DRICH1: variants seen among roughly 807,000 people sequenced by gnomAD.
DRICH1 encodes the protein aspartate rich 1.
A neutral mutation model predicts 39.5 loss-of-function variants in DRICH1; 38 were observed. The ratio of observed to expected loss-of-function variants is 0.96; its 90% CI spans 0.74 to 1.26. The LOEUF is 1.26. Ranked by LOEUF, DRICH1 falls within the 50% of genes most tolerant of loss-of-function variation. The pLI is 0.00. For synonymous variants in DRICH1, 84 were observed against 99.5 expected, an observed-to-expected ratio of 0.84 and a Z score of 0.93; for missense variants, 279 against 270.4, an observed-to-expected ratio of 1.03 and a Z score of -0.22.
the DRICH1 span, among the ~76,000 whole-genome samples, chr22:23,591,764 C>T: frequency 6.6e-6 from 1 of 152,242 alleles, no homozygotes; most frequent in Non-Finnish European, 1.5e-5. Context: ...ATACACCAGG[C>T]GTTAAGGCGA....
the DRICH1 span, among the ~76,000 whole-genome samples, chr22:23,582,832 A>G: frequency 6.6e-6 from 1 of 151,662 alleles, no homozygotes; most frequent in Non-Finnish European, 1.5e-5. Flanking sequence ...AAGAGCTGGG[A>G]TTACAGGCGT....
intron 5 of DRICH1, among the ~76,000 whole-genome samples, chr22:23,619,985 C>T (rs1339699907): frequency 6.6e-6 from 1 of 152,116 alleles, no homozygotes; most frequent in Non-Finnish European, 1.5e-5. Context: ...GTGTCCCACA[C>T]CAAAGACTCT....
At chr22:23,604,658 C>T (rs1378341275), downstream of DRICH1, among the ~76,000 whole-genome samples, 1 of 152,184 alleles carries the variant, frequency 6.6e-6, no homozygotes, top group African/African-American at 2.4e-5. Context: ...CGTGGAAGCC[C>T]TCACCACGGC....
chr22:23,624,669 AG>A (rs1031765226), intron 3 of DRICH1, among the ~76,000 whole-genome samples: 5 of 152,212 alleles, frequency 3.3e-5, no homozygotes, highest in African/African-American at 1.2e-4. Context: ...CTTCTACTCC[AG>A]GTGAAGACAC....
At chr22:23,599,565 G>A in the DRICH1 span, among the ~76,000 whole-genome samples, 1 of 152,194 alleles carries the variant, frequency 6.6e-6, no homozygotes, top group Non-Finnish European at 1.5e-5. Flanking sequence ...AGGTTCTAGG[G>A]TCTCTGAGAT....
At chr22:23,586,213 G>A in the DRICH1 span, among the ~76,000 whole-genome samples, 1 of 152,208 alleles carries the variant, frequency 6.6e-6, no homozygotes, top group Non-Finnish European at 1.5e-5. Flanking sequence ...CTGCTAGTCC[G>A]GCTGGTAGCT....
At chr22:23,623,900 G>A (rs1288734632) in intron 3 of DRICH1, 2 of 954,972 alleles carry the variant, frequency 2.1e-6, no homozygotes, top group African/African-American at 3.6e-5. Context: ...GGAAAGGAAA[G>A]TCTCTTCCAC....
intron 6 of DRICH1, 37 bp from the exon 7 acceptor site, chr22:23,617,694 G>A: frequency 6.2e-7 from 1 of 1,601,470 alleles, no homozygotes; most frequent in African/African-American, 1.4e-5. Context: ...TGCCCTGGTT[G>A]TTTGTGACTG....
At chr22:23,620,745 C>T (rs570417429) in intron 4 of DRICH1, 130 bp from the exon 5 acceptor site, 4 of 1,032,298 alleles carry the variant, frequency 3.9e-6, no homozygotes, top group African/African-American at 3.1e-5. Flanking sequence ...AGGTCAAAGG[C>T]CAAACATTCT....
chr22:23,600,479 G>A, the DRICH1 span, among the ~76,000 whole-genome samples: 10,439 of 152,184 alleles, frequency 0.069, 452 homozygotes, highest in Middle Eastern at 0.11. Context: ...AGAAGATGCC[G>A]CTTCTGTCCC....
chr22:23,625,047 C>T (rs1927979847), intron 2 of DRICH1, 143 bp from the exon 3 acceptor site: 17 of 928,348 alleles, frequency 1.8e-5, no homozygotes, highest in Non-Finnish European at 2.8e-5. Flanking sequence ...AACACTTTAG[C>T]ATAGAGGACA....
At chr22:23,611,982 T>C (rs1279640671) in intron 11 of DRICH1, among the ~76,000 whole-genome samples, 2 of 152,216 alleles carry the variant, frequency 1.3e-5, no homozygotes, top group Non-Finnish European at 2.9e-5. Flanking sequence ...GAGAAACGGC[T>C]ACTCACATAT....
chr22:23,606,866 T>A (rs1368812210), downstream of DRICH1, among the ~76,000 whole-genome samples: 1 of 152,200 alleles, frequency 6.6e-6, no homozygotes, highest in African/African-American at 2.4e-5. Context: ...ACCCACAGCC[T>A]CCTGCTGGCT....
intron 1 of DRICH1, among the ~76,000 whole-genome samples, chr22:23,628,049 CAGAT>C (rs764073912): frequency 5.3e-5 from 8 of 152,322 alleles, no homozygotes; most frequent in South Asian, 2.1e-4. Context: ...AGACACAACA[CAGAT>C]AGAGTTTGAC....
At chr22:23,582,040 C>T in the DRICH1 span, among the ~76,000 whole-genome samples, 1,273 of 151,584 alleles carry the variant, frequency 8.4e-3, 12 homozygotes, top group African/African-American at 0.016. Flanking sequence ...AGTGCAGTGG[C>T]GCAATCTTAG....
chr22:23,599,615 G>A, the DRICH1 span, among the ~76,000 whole-genome samples: 10 of 152,158 alleles, frequency 6.6e-5, no homozygotes, highest in South Asian at 6.2e-4. Context: ...ATGTGCACCT[G>A]CCATATCCCT....
chr22:23,618,463 A>T (rs1927511657), intron 6 of DRICH1, among the ~76,000 whole-genome samples: 1 of 152,090 alleles, frequency 6.6e-6, no homozygotes, highest in South Asian at 2.1e-4. Context: ...TAAATATTAA[A>T]ATACTAAAAT....
intron 10 of DRICH1, 132 bp downstream of exon 10, chr22:23,613,507 G>A (rs1412194327): frequency 1.1e-6 from 1 of 900,334 alleles, no homozygotes; most frequent in Non-Finnish European, 1.8e-6. Context: ...TCAGGCCAGA[G>A]TTCTATACTG....
intron 11 of DRICH1, among the ~76,000 whole-genome samples, chr22:23,611,392 AT>A (rs11339572): frequency 0.033 from 4,521 of 137,950 alleles, 128 homozygotes; most frequent in African/African-American, 0.1. Context: ...ATTTTCATTC[AT>A]TTTTTTTTTT....
Sources: allele counts gnomAD v4.1 joint callset (sites outside exome capture counted in the v4.1 genomes callset), GRCh38; gene constraint gnomAD v4.1.1; transcripts MANE v1.5; gene names NCBI Gene and HGNC (gene_info 2026-07-23, HGNC 2026-07-21).